The following FAM135B variants were observed in gnomAD, a reference collection of about 807,000 sequenced individuals.
FAM135B encodes the protein protein FAM135B.
Under a neutral mutation model 127.7 loss-of-function variants are expected in FAM135B, and 43 were observed. That is an observed-to-expected ratio of 0.34 (90% confidence interval 0.26 to 0.43). FAM135B has a LOEUF of 0.43. Ranked by LOEUF, FAM135B falls within the 20% of genes least tolerant of loss-of-function variation. FAM135B has a pLI of 1.00. For synonymous variants in FAM135B, 670 were observed against 665.1 expected (o/e 1.01, Z -0.11); for missense variants, 1,558 against 1,725.6 (o/e 0.90, Z 1.72).
chr8:138,224,268 A>G (rs185515553), intron 7 of FAM135B, among the ~76,000 whole-genome samples: 112 of 152,334 alleles, frequency 7.4e-4, no homozygotes, highest in African/African-American at 2.5e-3. Context: ...CAAAGAATTG[A>G]CAGCACTCTG....
At chr8:138,163,279 C>G (rs1819573995) in intron 12 of FAM135B, among the ~76,000 whole-genome samples, 1 of 152,148 alleles carries the variant, frequency 6.6e-6, no homozygotes, top group Non-Finnish European at 1.5e-5. Context: ...GACAATCTGG[C>G]TAACTCTTCA....
At chr8:138,206,352 G>A (rs199829661) in intron 7 of FAM135B, among the ~76,000 whole-genome samples, 17 of 39,502 alleles carry the variant, frequency 4.3e-4, no homozygotes, top group South Asian at 8.2e-4. Context: ...CACAACTCCA[G>A]CATCCCCTCC....
chr8:138,352,037 G>A (rs1829817153), intron 2 of FAM135B, among the ~76,000 whole-genome samples: 1 of 152,096 alleles, frequency 6.6e-6, no homozygotes, highest in Non-Finnish European at 1.5e-5. Context: ...ATCCTGTATG[G>A]AACCTTGGAA....
chr8:138,295,577 G>A (rs1272134845), intron 3 of FAM135B, among the ~76,000 whole-genome samples: 2 of 152,144 alleles, frequency 1.3e-5, no homozygotes, highest in African/African-American at 2.4e-5. Context: ...AGGACGAGGG[G>A]CACTTCCTGC....
chr8:138,222,140 T>C (rs1563787712), intron 7 of FAM135B, among the ~76,000 whole-genome samples: 2 of 150,940 alleles, frequency 1.3e-5, no homozygotes, highest in Admixed American at 1.3e-4. Context: ...CCGAGAAAGA[T>C]GGAGAAACAG....
chr8:138,450,395 T>C (rs1481211115), intron 1 of FAM135B: 2 of 152,162 alleles, frequency 1.3e-5, no homozygotes, highest in African/African-American at 4.8e-5. Context: ...CCTGTAAGAG[T>C]ATGCTTAGTT....
At chr8:138,401,041 C>T (rs186141563) in intron 1 of FAM135B, among the ~76,000 whole-genome samples, 2 of 152,140 alleles carry the variant, frequency 1.3e-5, no homozygotes, top group African/African-American at 4.8e-5. Flanking sequence ...TAGCAATCCT[C>T]TAATTGGGCA....
intron 1 of FAM135B, among the ~76,000 whole-genome samples, chr8:138,419,686 T>C (rs575193472): frequency 3.7e-4 from 57 of 152,212 alleles, no homozygotes; most frequent in Admixed American, 7.2e-4. Context: ...AAAATAATAA[T>C]ATCAAGAAGA....
intron 1 of FAM135B, among the ~76,000 whole-genome samples, chr8:138,430,181 G>A (rs567231738): frequency 2.1e-4 from 32 of 152,166 alleles, no homozygotes; most frequent in African/African-American, 7.0e-4. Context: ...TGCAACAAAC[G>A]GCTGCTGCTT....
At chr8:138,340,934 C>A (rs1829005029) in intron 2 of FAM135B, among the ~76,000 whole-genome samples, 1 of 152,196 alleles carries the variant, frequency 6.6e-6, no homozygotes, top group South Asian at 2.1e-4. Flanking sequence ...CATGAATGTG[C>A]TTTTGTTCAT....
chr8:138,463,857 G>A (rs148898976), intron 1 of FAM135B, among the ~76,000 whole-genome samples: 6 of 152,104 alleles, frequency 3.9e-5, no homozygotes, highest in Non-Finnish European at 8.8e-5. Flanking sequence ...AAGAAAGGCC[G>A]ACTAGTCAAG....
intron 12 of FAM135B, among the ~76,000 whole-genome samples, chr8:138,166,794 G>A (rs1819968897): frequency 6.6e-6 from 1 of 152,074 alleles, no homozygotes; most frequent in Non-Finnish European, 1.5e-5. Flanking sequence ...AGTGGTGGTG[G>A]GTTAGATCAA....
intron 1 of FAM135B, among the ~76,000 whole-genome samples, chr8:138,387,292 G>T (rs16909075): frequency 2.0e-5 from 3 of 152,072 alleles, no homozygotes. Flanking sequence ...CTAGGTCCAG[G>T]TCTCACAAGA....
At chr8:138,143,149 G>T in intron 15 of FAM135B, 40 bp from the exon 16 acceptor site, 3 of 1,173,416 alleles carry the variant, frequency 2.6e-6, no homozygotes, top group Non-Finnish European at 2.6e-6. Context: ...GTATGGTTGT[G>T]GCGGGGGCTG....
intron 1 of FAM135B, among the ~76,000 whole-genome samples, chr8:138,368,998 A>G (rs1830947350): frequency 6.6e-6 from 1 of 152,190 alleles, no homozygotes; most frequent in Non-Finnish European, 1.5e-5. Flanking sequence ...ATGCAAGAAA[A>G]AAGGACCAGA....
At chr8:138,368,852 C>A (rs1246019391) in intron 1 of FAM135B, among the ~76,000 whole-genome samples, 1 of 151,892 alleles carries the variant, frequency 6.6e-6, no homozygotes, top group Non-Finnish European at 1.5e-5. Flanking sequence ...CATCTAGATA[C>A]CAGGAATGTG....
chr8:138,279,139 C>A (rs543590532), intron 3 of FAM135B, among the ~76,000 whole-genome samples: 1 of 152,326 alleles, frequency 6.6e-6, no homozygotes, highest in South Asian at 2.1e-4. Flanking sequence ...TTCTTCTCAT[C>A]CATAAAGACT....
intron 1 of FAM135B, among the ~76,000 whole-genome samples, chr8:138,479,677 C>G (rs1564034172): frequency 6.6e-6 from 1 of 152,086 alleles, no homozygotes; most frequent in Non-Finnish European, 1.5e-5. Flanking sequence ...TAACATAATG[C>G]CTGCTAAAAT....
At position 138,293,050 on chromosome 8, in the gene FAM135B, G is replaced by A. The variant is rs144935871; in HGVS notation, c.157+17791C>T. The stretch of plus-strand genomic sequence containing the variant: ...TCAGGATGGTACTGCTATAAAAGCA[G>A]ACATACAGACTAGTGGAAAAGAATA... On this transcript the variant is annotated intron_variant, in intron 3 of 19. Transcript: ENST00000395297. Among the ~76,000 whole-genome samples, 453 of 152,184 alleles carry A rather than the reference G, an allele frequency of 3.0e-3. 1 individual carries two copies. The highest frequency in any genetic ancestry group is 6.8e-3 in the Middle Eastern group (2 of 294).
Sources: gnomAD v4.1 joint callset for allele counts (sites outside exome capture counted in the v4.1 genomes callset) on GRCh38, gnomAD v4.1.1 for gene constraint, MANE v1.5 for transcripts, NCBI Gene and HGNC (gene_info 2026-07-23, HGNC 2026-07-21) for gene names.